The following RCN3 variants were observed in gnomAD, a reference collection of about 807,000 sequenced individuals.
The protein encoded by RCN3 is reticulocalbin 3, also known as reticulocalbin-3.
RCN3 carries 41 observed loss-of-function variants against 35.9 expected under a neutral mutation model. The ratio of observed to expected loss-of-function variants is 1.14; its 90% CI spans 0.89 to 1.48. The LOEUF (loss-of-function observed/expected upper bound fraction) is 1.48, where lower values mean the gene tolerates loss of function less well. Among genes scored for constraint, RCN3 ranks in the 40% most tolerant of loss-of-function variants. RCN3 has a pLI of 0.00. For missense variants in RCN3, 451 were observed against 471.3 expected (o/e 0.96, Z 0.40); for synonymous variants, 187 against 193.4 (o/e 0.97, Z 0.27).
chr19:49,530,326 ATTT>A (rs774074543), intron 2 of RCN3, among the ~76,000 whole-genome samples: 1 of 132,060 alleles, frequency 7.6e-6, no homozygotes. Flanking sequence ...CGCCCAGCTA[ATTT>A]TTTTTTTTTT....
At chr19:49,539,097 T>G (rs762869752) in intron 4 of RCN3, 22 bp from the exon 5 acceptor site, 1 of 1,576,512 alleles carries the variant, frequency 6.3e-7, no homozygotes, top group South Asian at 1.2e-5. Flanking sequence ...GCCCCCAGCC[T>G]CAATGCCCCT....
At chr19:49,541,895 G>A (rs1208969985) in intron 5 of RCN3, among the ~76,000 whole-genome samples, 1 of 151,734 alleles carries the variant, frequency 6.6e-6, no homozygotes, top group African/African-American at 2.4e-5. Flanking sequence ...CAGGAGAATC[G>A]CTTGAACCTG....
chr19:49,532,231 G>A (rs1485604843), intron 2 of RCN3, among the ~76,000 whole-genome samples: 1 of 141,766 alleles, frequency 7.1e-6, no homozygotes, highest in East Asian at 2.1e-4. Context: ...TCAGCCTCCC[G>A]AGTAGCTGGG....
intron 2 of RCN3, among the ~76,000 whole-genome samples, chr19:49,531,582 A>G (rs2080108233): frequency 6.6e-6 from 1 of 152,170 alleles, no homozygotes; most frequent in South Asian, 2.1e-4. Flanking sequence ...GAGCCCAGTG[A>G]GGAAGCGACT....
chr19:49,530,622 G>A lies in RCN3; in HGVS notation c.242+1908G>A, dbSNP rs1193122776. Reference sequence around the variant, plus strand: ...AGTGATTCTCCTGCCTCAGCCTTCCGAGTAGCTGGGATTACAGGCATGCAC... The same window carrying A: ...AGTGATTCTCCTGCCTCAGCCTTCCAAGTAGCTGGGATTACAGGCATGCAC... On this transcript the variant is annotated intron_variant, in intron 2 of 6. Coordinates refer to ENST00000270645, the MANE Select transcript of RCN3 (RefSeq NM_020650.3). Among the ~76,000 whole-genome samples, 5 of 150,316 alleles carry A rather than the reference G, an allele frequency of 3.3e-5. No individual in the cohort carries two copies. In the East Asian group the frequency reaches 5.9e-4, roughly 18 times the overall value.
At chr19:49,533,622 C>T (rs576603321) in intron 2 of RCN3, among the ~76,000 whole-genome samples, 30 of 150,424 alleles carry the variant, frequency 2.0e-4, no homozygotes, top group Admixed American at 4.7e-4. Context: ...CAGCCGGGAG[C>T]AGGCAGGGGA....
intron 4 of RCN3, among the ~76,000 whole-genome samples, chr19:49,538,902 G>A (rs58269718): frequency 6.6e-6 from 1 of 152,022 alleles, no homozygotes; most frequent in Non-Finnish European, 1.5e-5. Context: ...TCTGGGCTCT[G>A]GCCCCGTAAA....
rs1485356028 is a variant in RCN3, at chr19:49,542,707, C to T, written c.834C>T (p.Pro278=). The T allele has an allele frequency of 6.3e-7, 1 of 1,595,796 alleles. No homozygotes were observed. Among genetic ancestry groups the T allele is most frequent in the Non-Finnish European group, 8.5e-7 (1 of 1,172,866 alleles). The change falls in exon 6 of 7, where the codon CCC becomes CCT. Residue 278 remains proline, a synonymous_variant. Coordinates refer to ENST00000270645, the MANE Select transcript of RCN3 (RefSeq NM_020650.3). The part of the protein sequence containing the change: ...HWVLPPAQDQ[P]LVEANHLLHE... ...TGCTGCCCCCTGCCCAGGACCAGCC[C>T]CTGGTGGAAGCCAACCACCTGCTGC... is the stretch of plus-strand genomic sequence containing the variant.
chr19:49,540,319 A>C (rs934044330), intron 5 of RCN3, among the ~76,000 whole-genome samples: 10 of 151,838 alleles, frequency 6.6e-5, no homozygotes, highest in African/African-American at 2.4e-4. Context: ...CTGAGAGAAC[A>C]TTTTTATATT....
chr19:49,535,079 G>A (rs535186558), intron 3 of RCN3, among the ~76,000 whole-genome samples: 28 of 152,014 alleles, frequency 1.8e-4, no homozygotes, highest in Non-Finnish European at 3.4e-4. Flanking sequence ...TTCATGCCCA[G>A]CACTGACTCT....
intron 2 of RCN3, among the ~76,000 whole-genome samples, chr19:49,529,983 G>A (rs545723847): frequency 3.3e-5 from 5 of 151,672 alleles, no homozygotes; most frequent in East Asian, 3.9e-4. Flanking sequence ...ATGGAGTCTC[G>A]CTCTGTCACC....
At chr19:49,532,175 G>A (rs187837466) in intron 2 of RCN3, among the ~76,000 whole-genome samples, 5 of 136,310 alleles carry the variant, frequency 3.7e-5, no homozygotes, top group East Asian at 4.4e-4. Context: ...GCGCGATCTC[G>A]GCTCACTGCA....
chr19:49,535,382 C>G (rs1455781490), intron 3 of RCN3, among the ~76,000 whole-genome samples: 1 of 152,180 alleles, frequency 6.6e-6, no homozygotes, highest in Non-Finnish European at 1.5e-5. Context: ...ATTCCTGTCT[C>G]CACACGCTTG....
Position 49,537,024 on chromosome 19 carries a change from C to T in RCN3, c.446-9C>T, listed in dbSNP as rs759033973. On this transcript the variant is annotated splice_polypyrimidine_tract_variant and intron_variant, in intron 3 of 6. Coordinates refer to ENST00000270645, the MANE Select transcript of RCN3 (RefSeq NM_020650.3). ...AAAGCTCATCTCACTGAGACCTGTC[C>T]TTCCCCAGGTGAAGAATTTCATGAC... 9 of 1,520,398 alleles carry T rather than the reference C, an allele frequency of 5.9e-6. No individual in the cohort carries two copies. In the African/African-American group the frequency reaches 8.4e-5, roughly 14 times the overall value. The allele number at this position is 1,520,398 out of a possible 1,614,324, so 94.2% of individuals were successfully genotyped here. A position where few individuals can be genotyped will look rare whatever the true frequency, so the allele number is the denominator to read the frequency against.
At chr19:49,536,965 T>C in intron 3 of RCN3, 68 bp from the exon 4 acceptor site, 1 of 1,379,152 alleles carries the variant, frequency 7.3e-7, no homozygotes, top group Non-Finnish European at 9.7e-7. Context: ...ATTTACTTTG[T>C]CTTTGTTTTA....
At chr19:49,539,210 C>A (rs750984357) in intron 5 of RCN3, 31 bp downstream of exon 5, 4 of 1,574,034 alleles carry the variant, frequency 2.5e-6, no homozygotes, top group Admixed American at 1.8e-5. Flanking sequence ...TCTTGGGATG[C>A]CTGTCCTCTC....
chr19:49,539,245 G>A, intron 5 of RCN3, 66 bp downstream of exon 5: 9 of 1,266,174 alleles, frequency 7.1e-6, no homozygotes, highest in Non-Finnish European at 7.9e-6. Flanking sequence ...GGTTGGTGGG[G>A]GTAGCCGGAG....
In RCN3 at chr19:49,534,398, AC is replaced by A; in HGVS notation, c.445+4del. The A allele has an allele frequency of 1.3e-6, 2 of 1,537,250 alleles. No individual in the cohort carries two copies. The highest frequency in any genetic ancestry group is 1.7e-6 in the Non-Finnish European group (2 of 1,145,012). On this transcript the variant is annotated splice_donor_region_variant and intron_variant, in intron 3 of 6. Transcript: ENST00000270645. ...CACCTATGGCCACTACGCGCCCGGT[AC>A]GCGGCGAGCCCCCGACCCTGCTCCC...
In RCN3 at chr19:49,534,322, G is replaced by A. The variant is rs942480638; in HGVS notation, c.372G>A (p.Thr124=). 3 of 1,514,478 alleles carry A rather than the reference G, an allele frequency of 2.0e-6. No homozygotes were observed. Among genetic ancestry groups the A allele is most frequent in the African/African-American group, 1.4e-5 (1 of 70,320 alleles). 93.8% of individuals were successfully genotyped at this position (1,514,478 alleles called of 1,614,324 possible). The change falls in exon 3 of 7, where the codon ACG becomes ACA. Residue 124 remains threonine, a synonymous_variant. Coordinates refer to ENST00000270645, the MANE Select transcript of RCN3 (RefSeq NM_020650.3). ...IRDSVSAAWD[T]YDTDRDGRVG... The stretch of plus-strand genomic sequence containing the variant: ...ACTCGGTGAGCGCGGCCTGGGACAC[G>A]TACGACACGGACCGCGACGGGCGTG...
Sources: gnomAD v4.1 joint callset for allele counts (sites outside exome capture counted in the v4.1 genomes callset) on GRCh38, gnomAD v4.1.1 for gene constraint, MANE v1.5 for transcripts, NCBI Gene and HGNC (gene_info 2026-07-23, HGNC 2026-07-21) for gene names.